SLC22A23: variants seen among roughly 807,000 people sequenced by gnomAD.
SLC22A23 encodes ion transporter protein.
SLC22A23 carries 26 observed loss-of-function variants against 61.0 expected under a neutral mutation model. That is an observed-to-expected ratio of 0.43 (90% CI 0.31 to 0.59). The LOEUF is 0.59. SLC22A23 is among the 20% of genes least tolerant of loss of function. The pLI, the probability that SLC22A23 is intolerant of heterozygous loss-of-function variation, is 0.11. For synonymous variants in SLC22A23, 430 were observed against 413.9 expected (o/e 1.04, Z -0.47); for missense variants, 796 against 934.7 (o/e 0.85, Z 1.94).
rs76916226 is a variant in SLC22A23, at chr6:3,401,484, A to G, written c.913+8704T>C. On this transcript the variant is annotated intron_variant, in intron 3 of 9. Transcript: ENST00000406686. Reference sequence around the variant, plus strand: ...CATAGGACAAGACAGTGCTTCTCTGAGGCATACATAAATTAAAACCTATGC... The same window carrying G: ...CATAGGACAAGACAGTGCTTCTCTGGGGCATACATAAATTAAAACCTATGC... Among the ~76,000 whole-genome samples, 661 of 152,376 alleles carry G rather than the reference A, an allele frequency of 4.3e-3. 8 individuals carry two copies. The highest frequency in any genetic ancestry group is 0.012 in the African/African-American group (511 of 41,592).
chr6:3,283,700 C>G, intron 9 of SLC22A23, 152 bp downstream of exon 9: 1 of 1,410,614 alleles, frequency 7.1e-7, no homozygotes, highest in Non-Finnish European at 9.6e-7. Flanking sequence ...GGGGTTGGGT[C>G]CAACAGCCAC....
intron 1 of SLC22A23, among the ~76,000 whole-genome samples, chr6:3,423,189 G>C (rs1561971472): frequency 6.6e-6 from 1 of 151,852 alleles, no homozygotes; most frequent in Non-Finnish European, 1.5e-5. Context: ...ATTTTTAAAG[G>C]GCTAGAGATG....
rs937162099 is a variant in SLC22A23, at chr6:3,456,853, C to G, written c.-294G>C. 4 of 146,834 alleles carry G rather than the reference C, an allele frequency of 2.7e-5. No individual in the cohort carries two copies. Among genetic ancestry groups the G allele is most frequent in the African/African-American group, 4.9e-5 (2 of 40,832 alleles). The allele number at this position is 146,834 out of a possible 1,614,324, so 9.1% of individuals were successfully genotyped here. A position where few individuals can be genotyped will look rare whatever the true frequency, so the allele number is the denominator to read the frequency against. The stretch of plus-strand genomic sequence containing the variant: ...GTTCCGCGGCCCGGGCGCCGGCTGC[C>G]GAGCCCGCCGCTCTCCGCTGCTCCG... On this transcript the variant is annotated 5_prime_UTR_variant, in exon 1 of 10. Transcript: ENST00000406686. The surrounding 1 kb of genome is among the most constrained non-coding windows in gnomAD (Gnocchi z 7.1).
chr6:3,272,917 AG>A lies in SLC22A23; in HGVS notation c.*137del. 1 of 752,390 alleles carries A rather than the reference AG, an allele frequency of 1.3e-6. No homozygotes were observed. Among genetic ancestry groups the A allele is most frequent in the Non-Finnish European group, 2.1e-6 (1 of 475,404 alleles). The allele number at this position is 752,390 out of a possible 1,614,324, so 46.6% of individuals were successfully genotyped here. A position where few individuals can be genotyped will look rare whatever the true frequency, so the allele number is the denominator to read the frequency against. ...GCGCTCCTTGGACTTTTGGAAAGAC[AG>A]GATTTCCCCACACCAGTTGAGAGGC... On this transcript the variant is annotated 3_prime_UTR_variant, in exon 10 of 10. Coordinates refer to ENST00000406686, the MANE Select transcript of SLC22A23 (RefSeq NM_015482.2).
chr6:3,316,545 A>C (rs1762652858), intron 4 of SLC22A23, among the ~76,000 whole-genome samples: 1 of 152,212 alleles, frequency 6.6e-6, no homozygotes, highest in African/African-American at 2.4e-5. Context: ...CACCCCTAGA[A>C]AACATTTAAG....
chr6:3,274,563 G>GGAGGCAGGTAGATAACTCCAGCTC (rs1210470331), intron 9 of SLC22A23, among the ~76,000 whole-genome samples: 1 of 152,220 alleles, frequency 6.6e-6, no homozygotes, highest in Non-Finnish European at 1.5e-5. Flanking sequence ...GCAACAGGTA[G>GGAGGCAGGTAGATAACTCCAGCTC]GAGGCAGGTA....
At chr6:3,401,988 C>T (rs1768424190) in intron 3 of SLC22A23, among the ~76,000 whole-genome samples, 1 of 152,214 alleles carries the variant, frequency 6.6e-6, no homozygotes, top group Admixed American at 6.5e-5. Context: ...TCAGACTCTA[C>T]AGGATTTGGA....
chr6:3,341,969 T>C lies in SLC22A23; in HGVS notation c.914-17967A>G, dbSNP rs1764180697. On this transcript the variant is annotated intron_variant, in intron 3 of 9. Coordinates refer to ENST00000406686, the MANE Select transcript of SLC22A23 (RefSeq NM_015482.2). ...ATCCTAGGGCCCAAGTGATTATCTA[T>C]ATTTCGATTCATGGATAGAGGAAGA... 2.0e-5 allele frequency among the ~76,000 whole-genome samples: 3 copies of C among 152,158 alleles called. No individual in the cohort carries two copies. In the South Asian group the frequency reaches 6.2e-4, roughly 32 times the overall value.
rs11376511 is a variant in SLC22A23, at chr6:3,269,175, G to GC, written c.*3879dup. 131,092 of 152,188 alleles carry GC rather than the reference G, an allele frequency of 0.86. 56,646 individuals are homozygous for GC. Among genetic ancestry groups the GC allele is most frequent in the Non-Finnish European group, 0.87 (59,350 of 67,982 alleles). 9.4% of individuals were successfully genotyped at this position (152,188 alleles called of 1,614,324 possible). On this transcript the variant is annotated 3_prime_UTR_variant, in exon 10 of 10. Transcript: ENST00000406686. ...AAAATTCCTCTTAATTTTACTGATG[G>GC]CCCCCGTCTCTCAGGTGGTCTGAGA...
Position 3,329,495 on chromosome 6 carries a change from G to A in SLC22A23, c.914-5493C>T, listed in dbSNP as rs1763464122. Among the ~76,000 whole-genome samples, 1 of 152,180 alleles carries A rather than the reference G, an allele frequency of 6.6e-6. No individual in the cohort carries two copies. The highest frequency in any genetic ancestry group is 2.1e-4 in the South Asian group (1 of 4,836). On this transcript the variant is annotated intron_variant, in intron 3 of 9. Coordinates refer to ENST00000406686, the MANE Select transcript of SLC22A23 (RefSeq NM_015482.2). The surrounding 1 kb of genome is among the most constrained non-coding windows in gnomAD (Gnocchi z 4.8). Reference sequence around the variant, plus strand: ...TTGACTGACAATACTTAAGCCAGAGGACAGGAATTCACAGAATTGTGCCCG... The same window carrying A: ...TTGACTGACAATACTTAAGCCAGAGAACAGGAATTCACAGAATTGTGCCCG...
intron 3 of SLC22A23, among the ~76,000 whole-genome samples, chr6:3,358,995 C>T (rs1423693557): frequency 2.6e-5 from 4 of 152,136 alleles, no homozygotes; most frequent in Admixed American, 6.5e-5. Flanking sequence ...ATGTCAGGTG[C>T]GCTGTGCCGA....
intron 1 of SLC22A23, among the ~76,000 whole-genome samples, chr6:3,416,449 C>T (rs1009647364): frequency 6.6e-6 from 1 of 152,250 alleles, no homozygotes; most frequent in Non-Finnish European, 1.5e-5. Flanking sequence ...CCCATGTTTC[C>T]CTCTAAAGCC....
rs571258164 is a variant in SLC22A23 at position 3,427,798 on chromosome 6, T to G, written c.655-11943A>C. The stretch of plus-strand genomic sequence containing the variant: ...TTACACCCAAGAGTGTGTTTTTATT[T>G]TCTTCCTTTGAACTAACTATTAATC... On this transcript the variant is annotated intron_variant, in intron 1 of 9. Transcript: ENST00000406686. The surrounding 1 kb of genome is among the most constrained non-coding windows in gnomAD (Gnocchi z 4.3). 6.6e-6 allele frequency among the ~76,000 whole-genome samples: 1 copy of G among 152,354 alleles called. No individual in the cohort carries two copies. The highest frequency in any genetic ancestry group is 2.1e-4 in the South Asian group (1 of 4,830).
chr6:3,407,749 T>C (rs989761430), intron 3 of SLC22A23, among the ~76,000 whole-genome samples: 2 of 152,220 alleles, frequency 1.3e-5, no homozygotes, highest in African/African-American at 4.8e-5. Flanking sequence ...TTGTGGTCCC[T>C]ATCTAAGAAA....
At chr6:3,359,354 A>G (rs527290190) in intron 3 of SLC22A23, among the ~76,000 whole-genome samples, 35 of 152,376 alleles carry the variant, frequency 2.3e-4, no homozygotes, top group Non-Finnish European at 4.3e-4. Flanking sequence ...TAGGTCACAC[A>G]TATAACTATC....
At chr6:3,292,002 C>T (rs1760640972) in intron 5 of SLC22A23, 1 of 151,410 alleles carries the variant, frequency 6.6e-6, no homozygotes, top group Non-Finnish European at 1.5e-5. Flanking sequence ...TGACTGTAGT[C>T]TGCAGAGGTA....
intron 1 of SLC22A23, among the ~76,000 whole-genome samples, chr6:3,433,767 C>A (rs1771021666): frequency 6.6e-6 from 1 of 152,154 alleles, no homozygotes; most frequent in Admixed American, 6.5e-5. Flanking sequence ...ATTCAGGAAT[C>A]CAGGGATGAG....
At chr6:3,319,004 TCA>T (rs1214689591) in intron 4 of SLC22A23, among the ~76,000 whole-genome samples, 1 of 152,202 alleles carries the variant, frequency 6.6e-6, no homozygotes, top group African/African-American at 2.4e-5. Flanking sequence ...CACCAGGATG[TCA>T]CACAGCCCAG....
At chr6:3,430,695 C>T (rs564173403) in intron 1 of SLC22A23, among the ~76,000 whole-genome samples, 3 of 152,146 alleles carry the variant, frequency 2.0e-5, no homozygotes, top group Non-Finnish European at 4.4e-5. Context: ...GAGTGTGCCC[C>T]GGCCAGCCTT....
Sources: allele counts gnomAD v4.1 joint callset (sites outside exome capture counted in the v4.1 genomes callset), GRCh38; gene constraint gnomAD v4.1.1; non-coding constraint Gnocchi (gnomAD v3.1); transcripts MANE v1.5; gene names NCBI Gene and HGNC (gene_info 2026-07-23, HGNC 2026-07-21).